CSMD1: variants seen among roughly 807,000 people sequenced by gnomAD.
The protein encoded by CSMD1 is CUB and Sushi multiple domains 1.
Under a neutral mutation model 417.5 loss-of-function variants are expected in CSMD1, and 213 were observed. The ratio of observed to expected loss-of-function variants is 0.51; its 90% CI spans 0.46 to 0.57. The LOEUF is 0.57. Ranked by LOEUF, CSMD1 falls within the 20% of genes least tolerant of loss-of-function variation. CSMD1 has a pLI of 0.00. For missense variants in CSMD1, 6,923 were observed against 4,529.7 expected (o/e 1.53, Z -15.17); for synonymous variants, 2,862 against 1,736.8 (o/e 1.65, Z -16.11).
intron 10 of CSMD1, among the ~76,000 whole-genome samples, chr8:3,512,031 A>G (rs1797095698): frequency 6.6e-6 from 1 of 152,072 alleles, no homozygotes; most frequent in South Asian, 2.1e-4. Flanking sequence ...CTCCCTGGGC[A>G]TTCCCCATCA....
intron 7 of CSMD1, among the ~76,000 whole-genome samples, chr8:3,622,171 T>C (rs1358178276): frequency 2.0e-5 from 3 of 152,202 alleles, no homozygotes; most frequent in Non-Finnish European, 4.4e-5. Context: ...TGTAAATGCA[T>C]TTAGCTTTAA....
At chr8:3,351,512 G>C (rs957761003) in intron 21 of CSMD1, among the ~76,000 whole-genome samples, 2 of 150,952 alleles carry the variant, frequency 1.3e-5, no homozygotes, top group Non-Finnish European at 2.9e-5. Flanking sequence ...TTCGGAGGCT[G>C]CTTGAACCCA....
intron 5 of CSMD1, among the ~76,000 whole-genome samples, chr8:3,809,723 C>A (rs754655176): frequency 6.6e-6 from 1 of 152,068 alleles, no homozygotes; most frequent in Non-Finnish European, 1.5e-5. Context: ...ATCTATAGGT[C>A]TTCAAGGAAG....
At chr8:4,562,028 A>G (rs1798364216) in intron 2 of CSMD1, among the ~76,000 whole-genome samples, 1 of 152,222 alleles carries the variant, frequency 6.6e-6, no homozygotes, top group Non-Finnish European at 1.5e-5. Context: ...ATAGAAAAGG[A>G]AGGCCGTACA....
intron 3 of CSMD1, among the ~76,000 whole-genome samples, chr8:4,390,243 G>A (rs1232332395): frequency 1.3e-5 from 2 of 151,898 alleles, no homozygotes; most frequent in Non-Finnish European, 2.9e-5. Context: ...CTTCTTCTTG[G>A]GGAAAAAGAA....
chr8:4,346,122 T>C (rs181083487), intron 3 of CSMD1, among the ~76,000 whole-genome samples: 2 of 152,288 alleles, frequency 1.3e-5, no homozygotes, highest in African/African-American at 4.8e-5. Context: ...AGAAAGGACC[T>C]GGAGGTTTTT....
At chr8:3,169,464 A>G (rs1401659845) in intron 37 of CSMD1, among the ~76,000 whole-genome samples, 2 of 152,138 alleles carry the variant, frequency 1.3e-5, no homozygotes, top group Non-Finnish European at 2.9e-5. Context: ...AACTATCTCT[A>G]GTAGTCGAAA....
rs1051230243 is a variant in CSMD1, at chr8:3,623,143, G to A, written c.1010-6346C>T. ...TGGATGATCAGATATAAATTAGACA[G>A]TTTGTAAAAGAGTTTAAATGAATTT... On this transcript the variant is annotated intron_variant, in intron 7 of 69. Coordinates refer to ENST00000635120, the MANE Select transcript of CSMD1 (RefSeq NM_033225.6). Among the ~76,000 whole-genome samples the A allele has an allele frequency of 6.9e-4, 105 of 152,278 alleles. 1 individual carries two copies. Among genetic ancestry groups the A allele is most frequent in the Admixed American group, 6.3e-3 (97 of 15,288 alleles).
At chr8:4,622,066 A>G (rs528590773) in intron 2 of CSMD1, among the ~76,000 whole-genome samples, 1 of 152,034 alleles carries the variant, frequency 6.6e-6, no homozygotes, top group East Asian at 1.9e-4. Flanking sequence ...TACAAGCAAC[A>G]TATTAGTGCA....
chr8:4,169,153 G>A (rs1335467671), intron 3 of CSMD1, among the ~76,000 whole-genome samples: 3 of 152,080 alleles, frequency 2.0e-5, no homozygotes, highest in African/African-American at 2.4e-5. Context: ...CAGCTTAATG[G>A]TGTAAACACC....
intron 3 of CSMD1, among the ~76,000 whole-genome samples, chr8:4,375,309 G>A (rs540042738): frequency 2.6e-5 from 4 of 152,068 alleles, no homozygotes; most frequent in Non-Finnish European, 5.9e-5. Flanking sequence ...ATCTCCAAAA[G>A]CACCTTTCTT....
At chr8:3,822,059 C>A (rs1169580068) in intron 5 of CSMD1, among the ~76,000 whole-genome samples, 1 of 152,154 alleles carries the variant, frequency 6.6e-6, no homozygotes, top group East Asian at 1.9e-4. Flanking sequence ...TGCCTTTTGA[C>A]CTATGCTGTT....
At chr8:4,556,511 C>A (rs940683146) in intron 2 of CSMD1, among the ~76,000 whole-genome samples, 1 of 151,990 alleles carries the variant, frequency 6.6e-6, no homozygotes, top group African/African-American at 2.4e-5. Flanking sequence ...CCCGAATAAT[C>A]GAATTATCTC....
At chr8:4,922,004 C>T (rs973925035) in intron 1 of CSMD1, among the ~76,000 whole-genome samples, 1 of 152,162 alleles carries the variant, frequency 6.6e-6, no homozygotes, top group African/African-American at 2.4e-5. Flanking sequence ...CCTGCAATTT[C>T]CTTCCTATGA....
chr8:4,238,945 T>C (rs1049837395), intron 3 of CSMD1, among the ~76,000 whole-genome samples: 1 of 152,232 alleles, frequency 6.6e-6, no homozygotes, highest in Non-Finnish European at 1.5e-5. Flanking sequence ...TTCTACCCTG[T>C]TCTTCTGTAG....
intron 1 of CSMD1, among the ~76,000 whole-genome samples, chr8:4,706,079 AT>A (rs1445859273): frequency 3.3e-5 from 5 of 150,576 alleles, no homozygotes; most frequent in African/African-American, 1.2e-4. Flanking sequence ...GATACATAAA[AT>A]TTTAACATAT....
At chr8:4,907,771 T>A (rs915111445) in intron 1 of CSMD1, among the ~76,000 whole-genome samples, 2 of 151,792 alleles carry the variant, frequency 1.3e-5, no homozygotes, top group African/African-American at 4.8e-5. Context: ...TTGCTTTGTT[T>A]CCCAGGCTGC....
chr8:3,303,961 A>G (rs562851201), intron 25 of CSMD1, among the ~76,000 whole-genome samples: 2 of 120,768 alleles, frequency 1.7e-5, no homozygotes, highest in African/African-American at 5.7e-5. Context: ...TATAATAACT[A>G]TTTTGGGGTA....
intron 9 of CSMD1, among the ~76,000 whole-genome samples, chr8:3,578,498 C>G (rs1430612286): frequency 6.6e-6 from 1 of 152,180 alleles, no homozygotes; most frequent in African/African-American, 2.4e-5. Context: ...ATTATCTTAT[C>G]TAAAAACCAT....
Sources: gnomAD v4.1 joint callset for allele counts (sites outside exome capture counted in the v4.1 genomes callset) on GRCh38, gnomAD v4.1.1 for gene constraint, MANE v1.5 for transcripts, NCBI Gene and HGNC (gene_info 2026-07-23, HGNC 2026-07-21) for gene names.